The following ZEB1 variants were observed in gnomAD, a reference collection of about 807,000 sequenced individuals.
The protein encoded by ZEB1 is zinc finger E-box-binding homeobox 1.
Under a neutral mutation model 84.9 loss-of-function variants are expected in ZEB1, and 21 were observed. That is an observed-to-expected ratio of 0.25 (90% CI 0.18 to 0.36). ZEB1 has a LOEUF of 0.36. ZEB1 is among the 10% of genes least tolerant of loss of function. The probability of loss-of-function intolerance (pLI) is 1.00; values close to 1 mark genes in which losing one functional copy is unlikely to be tolerated. For missense variants in ZEB1, 1,104 were observed against 1,330.2 expected, an observed-to-expected ratio of 0.83 and a Z score of 2.65; for synonymous variants, 420 against 471.1, an observed-to-expected ratio of 0.89 and a Z score of 1.41.
chr10:31,427,543 CT>C (rs576140610), intron 1 of ZEB1, among the ~76,000 whole-genome samples: 156 of 152,192 alleles, frequency 1.0e-3, no homozygotes, highest in African/African-American at 3.5e-3. Context: ...AGGGCTTGAA[CT>C]GATTGCTTTA....
intron 1 of ZEB1, among the ~76,000 whole-genome samples, chr10:31,359,791 C>T (rs921419662): frequency 6.6e-6 from 1 of 152,226 alleles, no homozygotes; most frequent in East Asian, 1.9e-4. Context: ...ATAACAAACA[C>T]CTATCTTCTT....
At chr10:31,505,432 T>C (rs2068813149) in intron 4 of ZEB1, among the ~76,000 whole-genome samples, 1 of 152,004 alleles carries the variant, frequency 6.6e-6, no homozygotes, top group African/African-American at 2.4e-5. Flanking sequence ...CTTGAAATAT[T>C]CATTATGGAT....
intron 2 of ZEB1, among the ~76,000 whole-genome samples, chr10:31,483,570 T>G (rs1326263651): frequency 6.6e-6 from 1 of 152,072 alleles, no homozygotes. Context: ...ATATATTCTT[T>G]TTAATTTCCC....
intron 1 of ZEB1, among the ~76,000 whole-genome samples, chr10:31,380,709 A>T (rs1304188099): frequency 6.6e-6 from 1 of 152,224 alleles, no homozygotes; most frequent in African/African-American, 2.4e-5. Context: ...TATACTGGAA[A>T]GAAGCCTGGT....
chr10:31,485,898 C>G (rs1028625668), intron 2 of ZEB1, among the ~76,000 whole-genome samples: 1 of 151,864 alleles, frequency 6.6e-6, no homozygotes, highest in Admixed American at 6.6e-5. Flanking sequence ...CATTTTCATT[C>G]TACCACAAAT....
chr10:31,527,214 G>C lies in ZEB1; in HGVS notation c.3328G>C (p.Val1110Leu). 1 of 1,610,902 alleles carries C rather than the reference G, an allele frequency of 6.2e-7. No homozygotes were observed. Among genetic ancestry groups the C allele is most frequent in the South Asian group, 1.1e-5 (1 of 90,756 alleles). Reference protein sequence around the residue: ...ESQASSLGQKVGESSEQVSEE... With the variant: ...ESQASSLGQKLGESSEQVSEE... ...TCAAGCAAGCAGCTTAGGACAAAAA[G>C]TAGGCGAGAGTAGTGAGCAAGTGTC... Residue 1110 changes from valine to leucine, a missense_variant, in exon 9 of 9, where the codon GTA (valine) becomes CTA (leucine). By Grantham distance (32) the Val-to-Leu change is conservative (BLOSUM62 1). Transcript: ENST00000424869.
At chr10:31,472,511 G>T (rs560475465) in intron 2 of ZEB1, among the ~76,000 whole-genome samples, 1 of 150,950 alleles carries the variant, frequency 6.6e-6, no homozygotes, top group African/African-American at 2.5e-5. Flanking sequence ...AAACCAGGAA[G>T]AAGTTGAATC....
intron 1 of ZEB1, among the ~76,000 whole-genome samples, chr10:31,342,001 A>G (rs2039461301): frequency 6.6e-6 from 1 of 152,160 alleles, no homozygotes; most frequent in African/African-American, 2.4e-5. Context: ...AGCAGTTTAG[A>G]TGATCAGCTG....
At chr10:31,335,306 TA>T (rs1042265976) in intron 1 of ZEB1, among the ~76,000 whole-genome samples, 9 of 151,240 alleles carry the variant, frequency 6.0e-5, no homozygotes, top group South Asian at 4.2e-4. Context: ...CATCAGATAA[TA>T]AAAAAAAACA....
intron 4 of ZEB1, among the ~76,000 whole-genome samples, chr10:31,503,479 T>C (rs933135168): frequency 4.6e-5 from 7 of 152,116 alleles, no homozygotes; most frequent in Admixed American, 3.3e-4. Context: ...TCCATTGATG[T>C]ACACTGAGGT....
chr10:31,445,710 G>C (rs1446225264), intron 1 of ZEB1, among the ~76,000 whole-genome samples: 9 of 132,776 alleles, frequency 6.8e-5, no homozygotes, highest in African/African-American at 2.6e-4. Flanking sequence ...TTATATGCTG[G>C]ATTACATTTA....
chr10:31,438,796 A>G (rs2058565478), intron 1 of ZEB1, among the ~76,000 whole-genome samples: 1 of 152,236 alleles, frequency 6.6e-6, no homozygotes, highest in South Asian at 2.1e-4. Context: ...GTGAGCTACG[A>G]TCATGCCACT....
chr10:31,446,181 T>G (rs2059744065), intron 1 of ZEB1, among the ~76,000 whole-genome samples: 1 of 152,250 alleles, frequency 6.6e-6, no homozygotes, highest in African/African-American at 2.4e-5. Context: ...CCATCTCTCC[T>G]AGATTTTCTA....
intron 1 of ZEB1, among the ~76,000 whole-genome samples, chr10:31,418,631 G>C (rs1482826156): frequency 1.3e-5 from 2 of 152,000 alleles, no homozygotes; most frequent in African/African-American, 4.8e-5. Flanking sequence ...AGTTTCCTTG[G>C]TTGCTTGCTT....
At chr10:31,361,672 A>G (rs2043110530) in intron 1 of ZEB1, among the ~76,000 whole-genome samples, 1 of 150,850 alleles carries the variant, frequency 6.6e-6, no homozygotes, top group Non-Finnish European at 1.5e-5. Context: ...CTCACTTTCC[A>G]GACAGGGCGG....
At chr10:31,443,872 T>C (rs1029590964) in intron 1 of ZEB1, among the ~76,000 whole-genome samples, 8 of 151,394 alleles carry the variant, frequency 5.3e-5, no homozygotes, top group African/African-American at 2.0e-4. Flanking sequence ...GCAATAAACA[T>C]ACGTGTGCAT....
intron 1 of ZEB1, chr10:31,387,869 T>C: frequency 1.6e-6 from 1 of 618,998 alleles, no homozygotes; most frequent in Non-Finnish European, 2.0e-6. Flanking sequence ...AAAAAATTAC[T>C]TAAAATTGGC....
chr10:31,327,099 CTTTTTT>C (rs71527629), intron 1 of ZEB1, among the ~76,000 whole-genome samples: 60 of 84,936 alleles, frequency 7.1e-4, no homozygotes, highest in African/African-American at 2.7e-3. Flanking sequence ...CTTTTCTTTT[CTTTTTT>C]TTTTTTTTTT....
rs919020418 is a variant in ZEB1, at chr10:31,514,811, A to T, written c.793+103A>T. 3.3e-5 allele frequency: 32 copies of T among 984,340 alleles called. No homozygotes were observed. In the African/African-American group the frequency reaches 3.8e-4, roughly 12 times the overall value. The allele number at this position is 984,340 out of a possible 1,614,324, so 61.0% of individuals were successfully genotyped here. A position where few individuals can be genotyped will look rare whatever the true frequency, so the allele number is the denominator to read the frequency against. ...ACGTACATGATCAGAAACTCCTTGC[A>T]TTTCTTTTGGCATACACTAATTGGG... On this transcript the variant is annotated intron_variant, in intron 6 of 8. Transcript: ENST00000424869.
Sources: allele counts gnomAD v4.1 joint callset (sites outside exome capture counted in the v4.1 genomes callset), GRCh38; gene constraint gnomAD v4.1.1; transcripts MANE v1.5; gene names NCBI Gene and HGNC (gene_info 2026-07-23, HGNC 2026-07-21).